The following NLRP11 variants were observed in gnomAD, a reference collection of about 807,000 sequenced individuals.
NLRP11 encodes the protein NACHT, LRR and PYD domains-containing protein 11.
Under a neutral mutation model 79.3 loss-of-function variants are expected in NLRP11, and 53 were observed. The ratio of observed to expected loss-of-function variants is 0.67; its 90% confidence interval spans 0.54 to 0.84. The LOEUF is 0.84. Ranked by LOEUF, NLRP11 falls within the 40% of genes least tolerant of loss-of-function variation. NLRP11 has a pLI of 0.00. For synonymous variants in NLRP11, 518 were observed against 462.6 expected (o/e 1.12, Z -1.54); for missense variants, 1,264 against 1,255.0 (o/e 1.01, Z -0.11).
intron 9 of NLRP11, among the ~76,000 whole-genome samples, chr19:55,788,361 G>T (rs1488294518): frequency 1.4e-5 from 2 of 144,034 alleles, no homozygotes; most frequent in Admixed American, 6.9e-5. Flanking sequence ...CAAGAGGAAA[G>T]ACTTTTTTTT....
chr19:55,794,012 C>G (rs554758372), intron 6 of NLRP11, among the ~76,000 whole-genome samples: 1 of 152,120 alleles, frequency 6.6e-6, no homozygotes, highest in African/African-American at 2.4e-5. Context: ...ATTTCTTTCA[C>G]GTTCTTAGGC....
upstream of NLRP11, among the ~76,000 whole-genome samples, chr19:55,832,337 C>T (rs1312361094): frequency 1.3e-5 from 2 of 152,234 alleles, no homozygotes; most frequent in African/African-American, 2.4e-5. Context: ...ATACAGTAAG[C>T]TCCATGAGGG....
At chr19:55,817,948 A>G (rs1384489303) in exon 2 of NLRP11, 4 of 1,613,604 alleles carry the variant, frequency 2.5e-6, no homozygotes, top group Non-Finnish European at 3.4e-6. Context: ...TTCCTTACGC[A>G]TCATTGAAAA....
chr19:55,803,272 G>T (rs1979656711), intron 4 of NLRP11, among the ~76,000 whole-genome samples: 1 of 152,118 alleles, frequency 6.6e-6, no homozygotes, highest in Non-Finnish European at 1.5e-5. Flanking sequence ...ACTTGAACCT[G>T]GGAGGCGGAG....
exon 5 of NLRP11, chr19:55,801,654 T>G: frequency 6.2e-7 from 1 of 1,613,820 alleles, no homozygotes; most frequent in Non-Finnish European, 8.5e-7. Context: ...GACGTACAGT[T>G]GATACTCAGG....
chr19:55,833,814 CA>C (rs1983009320), upstream of NLRP11, among the ~76,000 whole-genome samples: 1 of 84,650 alleles, frequency 1.2e-5, no homozygotes, highest in Non-Finnish European at 2.6e-5. Flanking sequence ...CACGGATGAA[CA>C]AATAATAGTG....
rs530300622 is a variant in NLRP11, at chr19:55,801,792, C to T, written c.2004-53G>A. ...ACTAGTGAAGGTCTGAACATCTTCT[C>T]CACAATTTCTCCTGCCTGCCTCACT... On this transcript the variant is annotated intron_variant, in intron 4 of 9. Transcript: ENST00000589093. The T allele has an allele frequency of 2.4e-5, 35 of 1,479,752 alleles. No individual in the cohort carries two copies. In the South Asian group the frequency reaches 3.8e-4, roughly 16 times the overall value. The allele number at this position is 1,479,752 out of a possible 1,614,324, so 91.7% of individuals were successfully genotyped here. A position where few individuals can be genotyped will look rare whatever the true frequency, so the allele number is the denominator to read the frequency against.
At chr19:55,799,594 A>T (rs1181282873) in intron 5 of NLRP11, among the ~76,000 whole-genome samples, 2 of 152,194 alleles carry the variant, frequency 1.3e-5, no homozygotes, top group Non-Finnish European at 2.9e-5. Context: ...GGCTAACTAC[A>T]AAGTGGCAAC....
upstream of NLRP11, chr19:55,832,174 A>G (rs940112225): frequency 1.3e-5 from 2 of 152,192 alleles, no homozygotes; most frequent in Non-Finnish European, 2.9e-5. Context: ...ACCCAGGACT[A>G]AACAGGGTCT....
chr19:55,804,382 T>C (rs1343735666), intron 4 of NLRP11, among the ~76,000 whole-genome samples: 10 of 151,862 alleles, frequency 6.6e-5, no homozygotes, highest in Non-Finnish European at 1.5e-4. Flanking sequence ...GCAACAAGAT[T>C]GGATAAACGT....
rs149428235 is a variant in NLRP11 at position 55,801,179 on chromosome 19, CA to C, written c.2171+392del. ...GGGCAACAAGGGCGAAACTCCATCT[CA>C]AAAAAAAAAAAAAAATTAGTTTCAC... On this transcript the variant is annotated intron_variant, in intron 5 of 9. Transcript: ENST00000589093. 1,020 of 144,258 alleles carry C rather than the reference CA, an allele frequency of 7.1e-3. 3 individuals carry two copies. The highest frequency in any genetic ancestry group is 0.011 in the South Asian group (52 of 4,734). The allele number at this position is 144,258 out of a possible 1,614,324, so 8.9% of individuals were successfully genotyped here.
At chr19:55,786,084 G>A (rs1346927281) in intron 9 of NLRP11, among the ~76,000 whole-genome samples, 1 of 152,218 alleles carries the variant, frequency 6.6e-6, no homozygotes, top group Non-Finnish European at 1.5e-5. Context: ...TTTCCACTGG[G>A]AGAACTGTTT....
chr19:55,809,067 G>A lies in NLRP11; in HGVS notation c.1543C>T (p.Leu515=). 1 of 1,613,898 alleles carries A rather than the reference G, an allele frequency of 6.2e-7. No homozygotes were observed. The highest frequency in any genetic ancestry group is 8.5e-7 in the Non-Finnish European group (1 of 1,179,918). ...CACTTGAAGCTGTCTACCATCGGTAGCTGGTATCCAAAGGATGTCTCAAGA... is the reference window on the plus strand; with the variant it reads ...CACTTGAAGCTGTCTACCATCGGTAACTGGTATCCAAAGGATGTCTCAAGA... Residue 515 remains leucine, a synonymous_variant, in exon 3 of 10, where the codon CTA becomes TTA. Transcript: ENST00000589093. The surrounding 1 kb of genome is among the most constrained non-coding windows in gnomAD (Gnocchi z 4.5).
At chr19:55,805,068 T>A (rs1979856674) in intron 4 of NLRP11, among the ~76,000 whole-genome samples, 1 of 151,772 alleles carries the variant, frequency 6.6e-6, no homozygotes, top group South Asian at 2.1e-4. Context: ...ACTCAAAAAA[T>A]AATAACAAAT....
chr19:55,819,051 C>G (rs1305814451), intron 1 of NLRP11, among the ~76,000 whole-genome samples: 4 of 151,604 alleles, frequency 2.6e-5, no homozygotes, highest in African/African-American at 9.7e-5. Flanking sequence ...GTCAAGATGA[C>G]TGCAAGGTGC....
At chr19:55,790,565 C>T (rs1990175084) in intron 7 of NLRP11, among the ~76,000 whole-genome samples, 1 of 152,210 alleles carries the variant, frequency 6.6e-6, no homozygotes, top group Admixed American at 6.5e-5. Context: ...GTATCCCAGC[C>T]ACCTAGAGGA....
At chr19:55,832,420 T>C (rs1207244851), upstream of NLRP11, among the ~76,000 whole-genome samples, 2 of 152,182 alleles carry the variant, frequency 1.3e-5, no homozygotes, top group Non-Finnish European at 2.9e-5. Flanking sequence ...TAAATATTTG[T>C]GGAACAAATG....
intron 6 of NLRP11, among the ~76,000 whole-genome samples, chr19:55,794,232 T>A (rs1306773413): frequency 6.6e-6 from 1 of 152,124 alleles, no homozygotes; most frequent in Non-Finnish European, 1.5e-5. Context: ...TGGATGAATT[T>A]TCTGATATGT....
exon 7 of NLRP11, chr19:55,792,435 G>A (rs114762114): frequency 5.6e-5 from 91 of 1,614,020 alleles, no homozygotes; most frequent in East Asian, 4.5e-5. Flanking sequence ...TTCCAAGGGC[G>A]CTGCAGCAAT....
Sources: allele counts gnomAD v4.1 joint callset (sites outside exome capture counted in the v4.1 genomes callset), GRCh38; gene constraint gnomAD v4.1.1; non-coding constraint Gnocchi (gnomAD v3.1); transcripts MANE v1.5; gene names NCBI Gene and HGNC (gene_info 2026-07-23, HGNC 2026-07-21).